Variants in TRPM2 observed in about 807,000 individuals in gnomAD.
TRPM2 encodes the protein transient receptor potential cation channel subfamily M member 2.
In TRPM2, 161 loss-of-function variants were observed where a neutral mutation model predicts 174.0. The observed-to-expected ratio is 0.93, with a 90% CI of 0.81 to 1.05. TRPM2 has a LOEUF of 1.05. Ranked by LOEUF, TRPM2 falls within the 50% of genes least tolerant of loss-of-function variation. The pLI, the probability that TRPM2 is intolerant of heterozygous loss-of-function variation, is 0.00. For synonymous variants in TRPM2, 954 were observed against 861.3 expected (o/e 1.11, Z -1.88); for missense variants, 2,057 against 2,038.0 (o/e 1.01, Z -0.18).
chr21:44,403,560 A>G (rs964278614), intron 16 of TRPM2, among the ~76,000 whole-genome samples: 5 of 151,852 alleles, frequency 3.3e-5, no homozygotes, highest in African/African-American at 4.8e-5. Flanking sequence ...ACACATACAT[A>G]CATGCATATG....
Position 44,363,072 on chromosome 21 carries a change from G to A in TRPM2, c.255-1042G>A, listed in dbSNP as rs1389124706. 2.6e-5 allele frequency among the ~76,000 whole-genome samples: 4 copies of A among 151,028 alleles called. No homozygotes were observed. In the East Asian group the frequency reaches 5.8e-4, roughly 22 times the overall value. Reference sequence around the variant, plus strand: ...TAGGCGTGAGCCACTGCGCCTCGCCGCTTTTAAAAGTTTTTATTTGTTTTT... The same window carrying A: ...TAGGCGTGAGCCACTGCGCCTCGCCACTTTTAAAAGTTTTTATTTGTTTTT... On this transcript the variant is annotated intron_variant, in intron 2 of 31. Transcript: ENST00000397928.
rs142826004 is a variant in TRPM2 at position 44,364,266 on chromosome 21, G to A, written c.407G>A (p.Ser136Asn). The A allele has an allele frequency of 2.7e-4, 439 of 1,614,192 alleles. 3 individuals are homozygous for A. In the African/African-American group the frequency reaches 5.1e-3, roughly 19 times the overall value. ...AFGDIVFTGLSQKVKKYVRVS... is the reference protein window; with the variant it reads ...AFGDIVFTGLNQKVKKYVRVS... ...GGCGACATCGTCTTCACGGGCCTGA[G>A]CCAGAAGGTGAAAAAGGTTGGTTTC... Residue 136 changes from serine to asparagine, a missense_variant, in exon 3 of 32, where the codon AGC (serine) becomes AAC (asparagine). Coordinates refer to ENST00000397928, the MANE Select transcript of TRPM2 (RefSeq NM_003307.4).
At chr21:44,425,886 C>G in intron 25 of TRPM2, 59 bp downstream of exon 25, 1 of 1,444,472 alleles carries the variant, frequency 6.9e-7, no homozygotes, top group Non-Finnish European at 9.2e-7. Context: ...GAGGGGAGGG[C>G]GGCCCTGTCC....
rs1285421766 is a variant in TRPM2 at position 44,391,103 on chromosome 21, G to A, written c.1440+78G>A. ...CACCACTGAAGCAAGGGCAGGCAAA[G>A]TTCGCATTGTCTGGATCCCAGCCCT... is the stretch of plus-strand genomic sequence containing the variant. On this transcript the variant is annotated intron_variant, in intron 10 of 31. Coordinates refer to ENST00000397928, the MANE Select transcript of TRPM2 (RefSeq NM_003307.4). This position sits in a 1 kb window ranked among gnomAD's most constrained non-coding sequence, Gnocchi z 5.0. 7.5e-6 allele frequency: 12 copies of A among 1,599,464 alleles called. No homozygotes were observed. In the African/African-American group the frequency reaches 1.2e-4, roughly 16 times the overall value.
intron 11 of TRPM2, among the ~76,000 whole-genome samples, chr21:44,393,797 C>T (rs1294612321): frequency 6.6e-6 from 1 of 151,468 alleles, no homozygotes; most frequent in Admixed American, 6.6e-5. Context: ...CTGTTTCCTC[C>T]AGGTTTTCCA....
chr21:44,417,970 A>C lies in TRPM2; in HGVS notation c.3190A>C (p.Lys1064Gln). 6.2e-7 allele frequency: 1 copy of C among 1,612,982 alleles called. No homozygotes were observed. Among genetic ancestry groups the C allele is most frequent in the Non-Finnish European group, 8.5e-7 (1 of 1,179,994 alleles). ...QVQEHTDQIW[K>Q]FQRHDLIEEY... ...GCAGGAGCACACGGACCAGATTTGG[A>C]AGTTCCAGCGCCATGACCTGATCGA... Residue 1064 changes from lysine to glutamine, a missense_variant, in exon 21 of 32, where the codon AAG becomes CAG. By Grantham distance (53) the Lys-to-Gln change is moderately conservative. Transcript: ENST00000397928.
chr21:44,435,345 A>AG, intron 28 of TRPM2, 128 bp downstream of exon 28: 1 of 958,262 alleles, frequency 1.0e-6, no homozygotes, highest in Non-Finnish European at 1.6e-6. Context: ...CTTGGTGCCT[A>AG]CTGGGGGGAT....
intron 11 of TRPM2, among the ~76,000 whole-genome samples, chr21:44,393,770 T>C (rs75155489): frequency 6.6e-6 from 1 of 151,410 alleles, no homozygotes; most frequent in Non-Finnish European, 1.5e-5. Flanking sequence ...TTTTTTTTTT[T>C]CCTGCTAGAA....
intron 19 of TRPM2, among the ~76,000 whole-genome samples, chr21:44,412,296 T>G (rs1362186697): frequency 6.6e-6 from 1 of 152,206 alleles, no homozygotes; most frequent in Non-Finnish European, 1.5e-5. Context: ...ATTTATATTT[T>G]CTATTTCTTC....
chr21:44,419,910 CAG>C (rs2050487852), intron 22 of TRPM2, among the ~76,000 whole-genome samples: 1 of 125,414 alleles, frequency 8.0e-6, no homozygotes, highest in Non-Finnish European at 1.7e-5. Context: ...GTGATGGTGA[CAG>C]TGGTGGTAGT....
Position 44,366,879 on chromosome 21 carries a change from G to A in TRPM2, c.549G>A (p.Lys183=), listed in dbSNP as rs1256044467. 1 of 1,613,076 alleles carries A rather than the reference G, an allele frequency of 6.2e-7. No homozygotes were observed. Among genetic ancestry groups the A allele is most frequent in the Non-Finnish European group, 8.5e-7 (1 of 1,179,350 alleles). The stretch of plus-strand genomic sequence containing the variant: ...GGGGGGCCAAGAACTTCAACATGAA[G>A]CCGCGGCTGAAGAGCATTTTCCGCA... The part of the protein sequence containing the change: ...VTGGAKNFNM[K]PRLKSIFRRG... The change falls in exon 4 of 32, where the codon AAG becomes AAA. Residue 183 remains lysine (K), a synonymous_variant. Coordinates refer to ENST00000397928, the MANE Select transcript of TRPM2 (RefSeq NM_003307.4). The surrounding 1 kb of genome is among the most constrained non-coding windows in gnomAD (Gnocchi z 6.0).
chr21:44,373,663 A>G (rs1210451249), intron 5 of TRPM2, among the ~76,000 whole-genome samples: 4 of 151,774 alleles, frequency 2.6e-5, no homozygotes, highest in African/African-American at 9.7e-5. Flanking sequence ...TTCCCACATC[A>G]TCAAGTCCTG....
chr21:44,395,408 C>T lies in TRPM2; in HGVS notation c.1795-6C>T. On this transcript the variant is annotated splice_region_variant and splice_polypyrimidine_tract_variant and intron_variant, in intron 11 of 31. Coordinates refer to ENST00000397928, the MANE Select transcript of TRPM2 (RefSeq NM_003307.4). The stretch of plus-strand genomic sequence containing the variant: ...GCTGGGGCTCTGACAGTTCACTGCT[C>T]ACCAGGTGCAGGGAGTGAGCCTCCG... 1.2e-6 allele frequency: 2 copies of T among 1,612,400 alleles called. No homozygotes were observed. The highest frequency in any genetic ancestry group is 1.7e-5 in the Admixed American group (1 of 60,000).
At chr21:44,385,332 G>A (rs907771718) in intron 9 of TRPM2, among the ~76,000 whole-genome samples, 1 of 152,064 alleles carries the variant, frequency 6.6e-6, no homozygotes, top group Admixed American at 6.5e-5. Flanking sequence ...TGAAAGACTG[G>A]GACATAGCAA....
At chr21:44,403,599 C>T (rs2049713064) in intron 16 of TRPM2, among the ~76,000 whole-genome samples, 1 of 151,432 alleles carries the variant, frequency 6.6e-6, no homozygotes, top group Non-Finnish European at 1.5e-5. Context: ...CACATGCACA[C>T]AGTACACACA....
chr21:44,421,736 C>T (rs983547816), intron 22 of TRPM2, among the ~76,000 whole-genome samples: 1 of 152,118 alleles, frequency 6.6e-6, no homozygotes, highest in East Asian at 1.9e-4. Context: ...CATAGTGAGA[C>T]CCCATCTCTA....
Position 44,395,470 on chromosome 21 carries a change from C to T in TRPM2, c.1851C>T (p.Phe617=), listed in dbSNP as rs374737414. ...AGCGTTCCTCAGGCCATGTGACCTT[C>T]ACCATGGACCCCATCCGTGACCTTC... The part of the protein sequence containing the change: ...LYKRSSGHVT[F]TMDPIRDLLI... Residue 617 remains phenylalanine, a synonymous_variant, in exon 12 of 32, where the codon TTC becomes TTT. Transcript: ENST00000397928. 28 of 1,612,944 alleles carry T rather than the reference C, an allele frequency of 1.7e-5. No individual in the cohort carries two copies. The Middle Eastern group carries it at 4.9e-4, about 28-fold the overall frequency.
chr21:44,426,381 C>T (rs2050776314), intron 25 of TRPM2, among the ~76,000 whole-genome samples: 1 of 152,148 alleles, frequency 6.6e-6, no homozygotes, highest in African/African-American at 2.4e-5. Flanking sequence ...TCCAGCTTAG[C>T]CCCCTGCCCC....
rs1427470011 is a variant in TRPM2 at position 44,353,675 on chromosome 21, G to A, written c.-26G>A. On this transcript the variant is annotated 5_prime_UTR_variant, in exon 1 of 32. Coordinates refer to ENST00000397928, the MANE Select transcript of TRPM2 (RefSeq NM_003307.4). Reference sequence around the variant, plus strand: ...GACTGTCCTGAGGGCAGCAGGCCTGGTTGCAGCTGGCGTGGGGGTCTCAGA... The same window carrying A: ...GACTGTCCTGAGGGCAGCAGGCCTGATTGCAGCTGGCGTGGGGGTCTCAGA... The A allele has an allele frequency of 2.7e-5, 40 of 1,463,526 alleles. No individual in the cohort carries two copies. The highest frequency in any genetic ancestry group is 3.5e-5 in the Non-Finnish European group (39 of 1,109,450). 90.7% of individuals were successfully genotyped at this position (1,463,526 alleles called of 1,614,324 possible).
Sources: allele counts gnomAD v4.1 joint callset (sites outside exome capture counted in the v4.1 genomes callset), GRCh38; gene constraint gnomAD v4.1.1; non-coding constraint Gnocchi (gnomAD v3.1); transcripts MANE v1.5; gene names NCBI Gene and HGNC (gene_info 2026-07-23, HGNC 2026-07-21).